Variants in ELAVL2 observed in about 807,000 individuals in gnomAD.
ELAVL2 encodes the protein ELAV-like protein 2.
Under a neutral mutation model 34.6 loss-of-function variants are expected in ELAVL2, and 4 were observed. The observed-to-expected ratio is 0.12, with a 90% CI of 0.06 to 0.26. The LOEUF is 0.26. Ranked by LOEUF, ELAVL2 falls within the 10% of genes least tolerant of loss-of-function variation. ELAVL2 has a pLI of 1.00. For missense variants in ELAVL2, 432 were observed against 442.8 expected, an observed-to-expected ratio of 0.98 and a Z score of 0.22; for synonymous variants, 193 against 154.8, an observed-to-expected ratio of 1.25 and a Z score of -1.83.
chr9:23,757,754 A>G (rs1013152836), intron 2 of ELAVL2, among the ~76,000 whole-genome samples: 17 of 152,088 alleles, frequency 1.1e-4, no homozygotes, highest in African/African-American at 3.6e-4. Context: ...CCTGACAAAT[A>G]ACATAATAAA....
intron 1 of ELAVL2, among the ~76,000 whole-genome samples, chr9:23,776,969 G>T (rs959582609): frequency 3.3e-5 from 5 of 152,166 alleles, no homozygotes; most frequent in African/African-American, 1.2e-4. Context: ...AGAGCAGGCT[G>T]AAGTTTTCCT....
intron 1 of ELAVL2, among the ~76,000 whole-genome samples, chr9:23,817,058 C>A (rs578199547): frequency 3.3e-5 from 5 of 151,430 alleles, no homozygotes; most frequent in East Asian, 1.9e-4. Context: ...AAAAAAAAAA[C>A]CTATCATTTT....
Position 23,736,104 on chromosome 9 carries a change from A to G in ELAVL2, c.230-4979T>C, listed in dbSNP as rs1422063394. On this transcript the variant is annotated intron_variant, in intron 2 of 6. Coordinates refer to ENST00000397312, the MANE Select transcript of ELAVL2 (RefSeq NM_004432.5). The stretch of plus-strand genomic sequence containing the variant: ...GTTTCATTCAAAGGTCACTTTATTT[A>G]GTCTTTTCTATTTTAAATTACTACC... 2.6e-5 allele frequency among the ~76,000 whole-genome samples: 4 copies of G among 152,144 alleles called. No individual in the cohort carries two copies. The East Asian group carries it at 7.7e-4, about 29-fold the overall frequency.
intron 3 of ELAVL2, among the ~76,000 whole-genome samples, chr9:23,722,845 G>A (rs1356100952): frequency 1.3e-5 from 2 of 152,182 alleles, no homozygotes; most frequent in African/African-American, 2.4e-5. Context: ...TATGAAATTT[G>A]TTTCAAAAGT....
the ELAVL2 span, among the ~76,000 whole-genome samples, chr9:23,835,847 A>C: frequency 9.2e-5 from 14 of 152,306 alleles, no homozygotes; most frequent in East Asian, 2.7e-3. Context: ...TGTAGGTAAC[A>C]ATAGAAAACA....
chr9:23,729,316 A>C (rs1195748812), intron 3 of ELAVL2, among the ~76,000 whole-genome samples: 1 of 152,176 alleles, frequency 6.6e-6, no homozygotes, highest in Non-Finnish European at 1.5e-5. Flanking sequence ...GAACTAGGAC[A>C]AATTAGCAGC....
chr9:23,796,202 C>T (rs140351367), intron 1 of ELAVL2, among the ~76,000 whole-genome samples: 2 of 152,306 alleles, frequency 1.3e-5, no homozygotes, highest in East Asian at 3.9e-4. Context: ...ACATACAACT[C>T]TGGTTCAAGC....
intron 3 of ELAVL2, among the ~76,000 whole-genome samples, chr9:23,711,359 A>C (rs2040898246): frequency 6.6e-6 from 1 of 152,232 alleles, no homozygotes; most frequent in South Asian, 2.1e-4. Flanking sequence ...TGAGAAGTTC[A>C]GAGATACCAC....
chr9:23,827,598 C>T (rs907354809), upstream of ELAVL2, among the ~76,000 whole-genome samples: 2 of 151,580 alleles, frequency 1.3e-5, no homozygotes, highest in Non-Finnish European at 3.0e-5. Flanking sequence ...AGGCACATGC[C>T]TTTTTGAAAG....
intron 1 of ELAVL2, among the ~76,000 whole-genome samples, chr9:23,784,810 A>T (rs2136969169): frequency 6.6e-6 from 1 of 152,346 alleles, no homozygotes; most frequent in East Asian, 1.9e-4. Flanking sequence ...GTGGAATGTC[A>T]GAATTCAGTA....
chr9:23,774,813 T>C (rs1047147277), intron 1 of ELAVL2, among the ~76,000 whole-genome samples: 3 of 152,122 alleles, frequency 2.0e-5, no homozygotes, highest in African/African-American at 7.2e-5. Context: ...TATTCAGATT[T>C]ACAATACAGA....
chr9:23,735,939 C>G (rs557803849), intron 2 of ELAVL2, among the ~76,000 whole-genome samples: 1 of 152,270 alleles, frequency 6.6e-6, no homozygotes, highest in East Asian at 1.9e-4. Context: ...GTGGGAAACA[C>G]AGTAAATGGC....
chr9:23,693,349 C>T, intron 6 of ELAVL2, 99 bp downstream of exon 6: 1 of 1,461,642 alleles, frequency 6.8e-7, no homozygotes, highest in South Asian at 1.2e-5. Flanking sequence ...AAATAAAACC[C>T]AACAAAAACT....
At chr9:23,705,144 G>T (rs1310480421) in intron 3 of ELAVL2, 73 bp from the exon 4 acceptor site, 3 of 1,564,104 alleles carry the variant, frequency 1.9e-6, no homozygotes, top group Non-Finnish European at 1.7e-6. Context: ...CTCAAAAACT[G>T]CCTCGGTAAC....
chr9:23,760,398 C>A (rs773020401), intron 2 of ELAVL2, among the ~76,000 whole-genome samples: 10 of 151,944 alleles, frequency 6.6e-5, no homozygotes, highest in Non-Finnish European at 1.2e-4. Context: ...TCATTTGTGT[C>A]ATAGCCCTCA....
At position 23,722,723 on chromosome 9, in the gene ELAVL2, G is replaced by A. The variant is rs115207831; in HGVS notation, c.333+8299C>T. Among the ~76,000 whole-genome samples the A allele has an allele frequency of 4.1e-3, 627 of 152,290 alleles. 3 individuals carry two copies. The highest frequency in any genetic ancestry group is 0.014 in the African/African-American group (600 of 41,562). ...TGATGCTTATTAGCTATTTCATTTT[G>A]AACAAATCCCTTTTAACCTGAGCTT... is the stretch of plus-strand genomic sequence containing the variant. On this transcript the variant is annotated intron_variant, in intron 3 of 6. Coordinates refer to ENST00000397312, the MANE Select transcript of ELAVL2 (RefSeq NM_004432.5).
At chr9:23,826,850 C>T (rs749666948), upstream of ELAVL2, among the ~76,000 whole-genome samples, 14 of 152,058 alleles carry the variant, frequency 9.2e-5, no homozygotes, top group Non-Finnish European at 1.9e-4. Context: ...GTGTTCAGTA[C>T]TGTATTTTGT....
intron 2 of ELAVL2, among the ~76,000 whole-genome samples, chr9:23,752,558 G>A (rs531808332): frequency 6.6e-5 from 10 of 151,788 alleles, no homozygotes; most frequent in South Asian, 6.2e-4. Flanking sequence ...GGGTTGAAGC[G>A]ATTCTCCTGT....
chr9:23,796,878 ACTTG>A (rs752988686), intron 1 of ELAVL2, among the ~76,000 whole-genome samples: 3 of 152,198 alleles, frequency 2.0e-5, no homozygotes, highest in Admixed American at 6.5e-5. Context: ...ATAGATTCTG[ACTTG>A]CTTATCTCTT....
Sources: gnomAD v4.1 joint callset for allele counts (sites outside exome capture counted in the v4.1 genomes callset) on GRCh38, gnomAD v4.1.1 for gene constraint, MANE v1.5 for transcripts, NCBI Gene and HGNC (gene_info 2026-07-23, HGNC 2026-07-21) for gene names.